Variants in ANK3 observed in about 807,000 individuals in gnomAD.
The protein encoded by ANK3 is ankyrin 3.
A neutral mutation model predicts 370.9 loss-of-function variants in ANK3; 57 were observed. The observed-to-expected ratio is 0.15, with a 90% confidence interval of 0.12 to 0.19. ANK3 has a LOEUF of 0.19. Among genes scored for constraint, ANK3 ranks in the 10% least tolerant of loss-of-function variants. The pLI is 1.00. For missense variants in ANK3, 4,439 were observed against 5,302.1 expected (o/e 0.84, Z 5.06); for synonymous variants, 1,929 against 1,946.3 (o/e 0.99, Z 0.23).
intron 2 of ANK3, among the ~76,000 whole-genome samples, chr10:60,435,956 A>G (rs1292561564): frequency 3.3e-5 from 5 of 152,260 alleles, no homozygotes; most frequent in East Asian, 1.9e-4. Context: ...GCGCAGTGGC[A>G]GGCGCCTGTA....
At position 60,046,885 on chromosome 10, in the gene ANK3, C is replaced by T. The variant is rs183614226; in HGVS notation, c.13066-4126G>A. 3.1e-4 allele frequency among the ~76,000 whole-genome samples: 46 copies of T among 150,392 alleles called. No individual in the cohort carries two copies. In the East Asian group the frequency reaches 8.5e-3, roughly 28 times the overall value. ...GCAGTGGCGCGATCTTGGCTCACTG[C>T]AAGCTCCGCCTCCCGGGTTCATGCC... On this transcript the variant is annotated intron_variant, in intron 42 of 43. Transcript: ENST00000280772.
chr10:60,080,983 T>C (rs1227901656), intron 35 of ANK3, among the ~76,000 whole-genome samples: 1 of 152,248 alleles, frequency 6.6e-6, no homozygotes, highest in Non-Finnish European at 1.5e-5. Flanking sequence ...AAGTTTATTA[T>C]TCCAATTACT....
intron 2 of ANK3, among the ~76,000 whole-genome samples, chr10:60,445,500 G>A (rs1430727375): frequency 6.0e-5 from 9 of 151,204 alleles, no homozygotes; most frequent in Non-Finnish European, 7.4e-5. Flanking sequence ...AAAAAAATCA[G>A]GGCTCCAGGA....
chr10:60,476,747 T>C (rs2075076015), intron 2 of ANK3, among the ~76,000 whole-genome samples: 1 of 152,198 alleles, frequency 6.6e-6, no homozygotes, highest in South Asian at 2.1e-4. Context: ...TGTTATTTCA[T>C]AGACTGTATC....
chr10:60,321,905 G>A (rs1226548971), intron 1 of ANK3, among the ~76,000 whole-genome samples: 1 of 152,110 alleles, frequency 6.6e-6, no homozygotes, highest in Non-Finnish European at 1.5e-5. Context: ...ATAAGTTTCT[G>A]TAAATCTGAG....
intron 1 of ANK3, among the ~76,000 whole-genome samples, chr10:60,334,570 C>A (rs2052326221): frequency 6.6e-6 from 1 of 152,112 alleles, no homozygotes; most frequent in African/African-American, 2.4e-5. Flanking sequence ...GGGCCAGGGT[C>A]TCTCCCCTTG....
chr10:60,037,100 C>G (rs894498911), intron 43 of ANK3, among the ~76,000 whole-genome samples: 2 of 152,176 alleles, frequency 1.3e-5, no homozygotes, highest in African/African-American at 2.4e-5. Context: ...CTTCTCCACT[C>G]TACCCACCAT....
At chr10:60,181,305 G>C (rs1170651887) in intron 18 of ANK3, 24 bp downstream of exon 18, 1 of 1,601,632 alleles carries the variant, frequency 6.2e-7, no homozygotes, top group Non-Finnish European at 8.6e-7. Context: ...ATTCTTTTCC[G>C]TGTGGCAAGG....
chr10:60,513,825 C>T (rs955554986), intron 2 of ANK3, among the ~76,000 whole-genome samples: 1 of 152,094 alleles, frequency 6.6e-6, no homozygotes, highest in Non-Finnish European at 1.5e-5. Context: ...ATTAAAATAG[C>T]CTTACATATA....
At position 60,157,894 on chromosome 10, in the gene ANK3, G is replaced by GAC. The variant is rs1239411020; in HGVS notation, c.2614+8696_2614+8697insGT. Among the ~76,000 whole-genome samples the GAC allele has an allele frequency of 2.4e-4, 19 of 78,548 alleles. No individual in the cohort carries two copies. The East Asian group carries it at 5.1e-3, about 21-fold the overall frequency. 51.5% of individuals were successfully genotyped at this position (78,548 alleles called of 152,430 possible). On this transcript the variant is annotated intron_variant, in intron 23 of 43. Transcript: ENST00000280772. Reference sequence around the variant, plus strand: ...AGAGAGAGAGAGAGAAAAAGAGAGAGAGAGAGAGAGAGAGAGAGAGAGAGA... The same window carrying GAC: ...AGAGAGAGAGAGAGAAAAAGAGAGAGACAGAGAGAGAGAGAGAGAGAGAGAGA...
At chr10:60,673,818 C>G (rs2079091507) in intron 1 of ANK3, among the ~76,000 whole-genome samples, 1 of 152,152 alleles carries the variant, frequency 6.6e-6, no homozygotes, top group African/African-American at 2.4e-5. Flanking sequence ...CCTAATGTGA[C>G]TACAATGGGG....
At chr10:60,386,742 G>A (rs746105010) in intron 1 of ANK3, among the ~76,000 whole-genome samples, 23 of 152,210 alleles carry the variant, frequency 1.5e-4, no homozygotes, top group Middle Eastern at 3.4e-3. Context: ...AGAAAGCTTC[G>A]TCTTTGGCCT....
At chr10:60,160,365 A>G (rs922542044) in intron 23 of ANK3, among the ~76,000 whole-genome samples, 6 of 152,108 alleles carry the variant, frequency 3.9e-5, no homozygotes, top group African/African-American at 1.4e-4. Context: ...GAAGAAATAG[A>G]AAACTTTAAT....
chr10:60,283,483 A>G (rs182870459), intron 1 of ANK3, among the ~76,000 whole-genome samples: 3 of 152,326 alleles, frequency 2.0e-5, no homozygotes, highest in Admixed American at 2.0e-4. Flanking sequence ...CACACAGACA[A>G]AGCCACTGCC....
chr10:60,454,294 G>A (rs1477734110), intron 2 of ANK3, among the ~76,000 whole-genome samples: 1 of 152,136 alleles, frequency 6.6e-6, no homozygotes, highest in African/African-American at 2.4e-5. Flanking sequence ...GAAAATGAGA[G>A]AGGGAGAAAA....
At chr10:60,230,046 C>T (rs2097216649) in intron 8 of ANK3, among the ~76,000 whole-genome samples, 1 of 152,168 alleles carries the variant, frequency 6.6e-6, no homozygotes, top group Non-Finnish European at 1.5e-5. Context: ...GGGGATTCTG[C>T]ATCTTCTCTG....
intron 1 of ANK3, among the ~76,000 whole-genome samples, chr10:60,620,322 T>A (rs1474395987): frequency 6.6e-6 from 1 of 152,186 alleles, no homozygotes; most frequent in Non-Finnish European, 1.5e-5. Context: ...TTAGTTATAT[T>A]AGGACCATCC....
intron 11 of ANK3, 150 bp downstream of exon 11, chr10:60,205,642 G>A: frequency 1.7e-6 from 1 of 603,614 alleles, no homozygotes. Flanking sequence ...CCTAGGGACT[G>A]GCAGCCCTCT....
At chr10:60,184,796 A>C (rs972047696) in intron 17 of ANK3, among the ~76,000 whole-genome samples, 9 of 152,256 alleles carry the variant, frequency 5.9e-5, no homozygotes, top group Non-Finnish European at 1.2e-4. Context: ...AGTCAGTCAC[A>C]CTGCAGTTTG....
Sources: allele counts gnomAD v4.1 joint callset (sites outside exome capture counted in the v4.1 genomes callset), GRCh38; gene constraint gnomAD v4.1.1; transcripts MANE v1.5; gene names NCBI Gene and HGNC (gene_info 2026-07-23, HGNC 2026-07-21).